CATSPERE: variants seen among roughly 807,000 people sequenced by gnomAD.
CATSPERE encodes the protein catsper channel auxiliary subunit epsilon, also known as cation channel sperm-associated auxiliary subunit epsilon.
CATSPERE carries 93 observed loss-of-function variants against 114.1 expected under a neutral mutation model. The ratio of observed to expected loss-of-function variants is 0.81; its 90% CI spans 0.69 to 0.97. The LOEUF (loss-of-function observed/expected upper bound fraction) is 0.97, where lower values mean the gene tolerates loss of function less well. Ranked by LOEUF, CATSPERE falls within the 50% of genes least tolerant of loss-of-function variation. CATSPERE has a pLI of 0.00. For missense variants in CATSPERE, 1,058 were observed against 1,131.6 expected, an observed-to-expected ratio of 0.93 and a Z score of 0.93; for synonymous variants, 341 against 384.1, an observed-to-expected ratio of 0.89 and a Z score of 1.31.
chr1:244,494,415 A>T (rs1344599870), intron 6 of CATSPERE, among the ~76,000 whole-genome samples: 3 of 135,242 alleles, frequency 2.2e-5, no homozygotes, highest in Non-Finnish European at 4.6e-5. Flanking sequence ...GAACACATGG[A>T]CACAGGAAGG....
At chr1:244,529,999 G>A (rs767830415) in intron 8 of CATSPERE, among the ~76,000 whole-genome samples, 1 of 152,078 alleles carries the variant, frequency 6.6e-6, no homozygotes, top group Non-Finnish European at 1.5e-5. Flanking sequence ...CCAGGCTGAA[G>A]TGCAATGGCA....
At chr1:244,567,740 C>G (rs1663809128) in intron 10 of CATSPERE, among the ~76,000 whole-genome samples, 1 of 151,922 alleles carries the variant, frequency 6.6e-6, no homozygotes, top group Non-Finnish European at 1.5e-5. Context: ...AGCAATTCAT[C>G]TAGCCTTTTT....
At chr1:244,613,342 T>C (rs1670978645) in intron 19 of CATSPERE, among the ~76,000 whole-genome samples, 1 of 152,212 alleles carries the variant, frequency 6.6e-6, no homozygotes, top group African/African-American at 2.4e-5. Flanking sequence ...ACATATTGTT[T>C]TATAAAAGTG....
At chr1:244,500,320 T>G (rs1240898024) in intron 7 of CATSPERE, among the ~76,000 whole-genome samples, 2 of 152,244 alleles carry the variant, frequency 1.3e-5, no homozygotes, top group Admixed American at 1.3e-4. Context: ...TGGTAGTTTC[T>G]TTTGCTCCGC....
At chr1:244,542,845 A>G (rs1381660779) in intron 8 of CATSPERE, among the ~76,000 whole-genome samples, 2 of 152,178 alleles carry the variant, frequency 1.3e-5, no homozygotes, top group Non-Finnish European at 2.9e-5. Flanking sequence ...ACAACAATAC[A>G]ATAGGTATGT....
intron 8 of CATSPERE, 69 bp from the exon 9 acceptor site, chr1:244,552,253 G>C: frequency 6.7e-7 from 1 of 1,502,424 alleles, no homozygotes; most frequent in Non-Finnish European, 8.9e-7. Flanking sequence ...AAAGATGATA[G>C]ATATCAACTG....
intron 20 of CATSPERE, among the ~76,000 whole-genome samples, chr1:244,635,238 G>A (rs1246180107): frequency 6.6e-6 from 1 of 151,916 alleles, no homozygotes; most frequent in Non-Finnish European, 1.5e-5. Flanking sequence ...CTGTTGCCTT[G>A]GGAACCACTA....
chr1:244,485,489 T>TA (rs1235413032), intron 5 of CATSPERE, among the ~76,000 whole-genome samples: 1 of 152,132 alleles, frequency 6.6e-6, no homozygotes, highest in Non-Finnish European at 1.5e-5. Context: ...CCTATCTTTT[T>TA]AAATATTCGT....
Position 244,552,595 on chromosome 1 carries a change from C to T in CATSPERE, c.810C>T (p.Thr270=), listed in dbSNP as rs753650352. 1.9e-6 allele frequency: 3 copies of T among 1,614,122 alleles called. No homozygotes were observed. The highest frequency in any genetic ancestry group is 2.5e-6 in the Non-Finnish European group (3 of 1,180,014). ...CAACTGATTCATTCAAATCTTGGACCAGAATCAGAGTGCCTCCAGACATTC... is the reference window on the plus strand; with the variant it reads ...CAACTGATTCATTCAAATCTTGGACTAGAATCAGAGTGCCTCCAGACATTC... The part of the protein sequence containing the change: ...FHTTDSFKSW[T]RIRVPPDILS... The change falls in exon 9 of 22, where the codon ACC becomes ACT. Residue 270 remains threonine, a synonymous_variant. Transcript: ENST00000366534.
intron 20 of CATSPERE, among the ~76,000 whole-genome samples, chr1:244,620,200 G>T (rs1324041359): frequency 6.6e-6 from 1 of 152,208 alleles, no homozygotes; most frequent in Non-Finnish European, 1.5e-5. Flanking sequence ...AGAGCCAGTA[G>T]TTCCACCAAC....
chr1:244,487,496 G>A (rs1671289953), intron 5 of CATSPERE, among the ~76,000 whole-genome samples: 1 of 152,124 alleles, frequency 6.6e-6, no homozygotes, highest in Non-Finnish European at 1.5e-5. Context: ...GGGGAGGCAA[G>A]AGGTTTACTC....
chr1:244,522,890 G>A (rs867987180), intron 8 of CATSPERE, among the ~76,000 whole-genome samples: 6 of 152,124 alleles, frequency 3.9e-5, no homozygotes, highest in South Asian at 2.1e-4. Context: ...ATTCACAGCC[G>A]AATTCTACCT....
chr1:244,479,421 G>T (rs898534412), intron 4 of CATSPERE, among the ~76,000 whole-genome samples: 1 of 152,140 alleles, frequency 6.6e-6, no homozygotes, highest in Admixed American at 6.5e-5. Flanking sequence ...GCACTCAGTT[G>T]TAACAACCGA....
chr1:244,625,406 T>TAATATATATATATATATA (rs74162779), intron 20 of CATSPERE, among the ~76,000 whole-genome samples: 1 of 12,884 alleles, frequency 7.8e-5, no homozygotes, highest in African/African-American at 3.0e-4. Flanking sequence ...TTATTATTAT[T>TAATATATATATATATATA]TATATATATA....
intron 20 of CATSPERE, among the ~76,000 whole-genome samples, chr1:244,623,202 C>T (rs546870723): frequency 4.9e-4 from 75 of 152,112 alleles, no homozygotes; most frequent in Non-Finnish European, 9.1e-4. Flanking sequence ...CTCAGCCTCC[C>T]GAGTAGCTGA....
intron 10 of CATSPERE, among the ~76,000 whole-genome samples, chr1:244,570,563 TATG>T (rs1220746529): frequency 6.6e-6 from 1 of 152,258 alleles, no homozygotes. Flanking sequence ...AGCAAAAGGC[TATG>T]AATTTTTCTC....
At chr1:244,545,143 TAA>T (rs1659526956) in intron 8 of CATSPERE, among the ~76,000 whole-genome samples, 1 of 152,152 alleles carries the variant, frequency 6.6e-6, no homozygotes, top group African/African-American at 2.4e-5. Context: ...ATTCACAAGC[TAA>T]AGAGTGAAGA....
chr1:244,457,817 T>A (rs1666295262), upstream of CATSPERE, among the ~76,000 whole-genome samples: 1 of 152,192 alleles, frequency 6.6e-6, no homozygotes, highest in Admixed American at 6.5e-5. Context: ...GGTACAAAAA[T>A]CATACAGGAA....
At chr1:244,523,292 C>T (rs1171654013) in intron 8 of CATSPERE, among the ~76,000 whole-genome samples, 3 of 147,522 alleles carry the variant, frequency 2.0e-5, no homozygotes, top group African/African-American at 8.0e-5. Context: ...AATAACCCTT[C>T]ATGCTAAAAA....
Sources: allele counts gnomAD v4.1 joint callset (sites outside exome capture counted in the v4.1 genomes callset), GRCh38; gene constraint gnomAD v4.1.1; transcripts MANE v1.5; gene names NCBI Gene and HGNC (gene_info 2026-07-23, HGNC 2026-07-21).